ZFP90: variants seen among roughly 807,000 people sequenced by gnomAD.
The protein encoded by ZFP90 is zinc finger protein 90 homolog.
Under a neutral mutation model 60.8 loss-of-function variants are expected in ZFP90, and 38 were observed. That is an observed-to-expected ratio of 0.62 (90% confidence interval 0.48 to 0.82). ZFP90 has a LOEUF of 0.82. ZFP90 is among the 40% of genes least tolerant of loss of function. ZFP90 has a pLI of 0.00. For synonymous variants in ZFP90, 287 were observed against 264.8 expected (o/e 1.08, Z -0.82); for missense variants, 711 against 759.1 (o/e 0.94, Z 0.74).
chr16:68,543,319 T>G (rs821167), intron 2 of ZFP90, among the ~76,000 whole-genome samples: 122,949 of 152,118 alleles, frequency 0.81, 49,924 homozygotes, highest in African/African-American at 0.89. Context: ...AATCCTAGGA[T>G]AAAAAGTTTG....
At chr16:68,555,442 G>T (rs894722476) in intron 2 of ZFP90, among the ~76,000 whole-genome samples, 2 of 152,020 alleles carry the variant, frequency 1.3e-5, no homozygotes, top group African/African-American at 2.4e-5. Flanking sequence ...GTGTGGATGT[G>T]GTCATGCACC....
intron 2 of ZFP90, among the ~76,000 whole-genome samples, chr16:68,554,372 C>A (rs1023624167): frequency 4.6e-5 from 7 of 151,996 alleles, no homozygotes; most frequent in Non-Finnish European, 8.8e-5. Flanking sequence ...GAACTCCTGA[C>A]CTCAGGTGAT....
intron 2 of ZFP90, among the ~76,000 whole-genome samples, chr16:68,543,487 G>A (rs2091089119): frequency 2.0e-5 from 3 of 152,042 alleles, no homozygotes; most frequent in South Asian, 2.1e-4. Context: ...GAATGTTTAC[G>A]TAGATATAGC....
At chr16:68,570,751 A>G (rs1325312481), downstream of ZFP90, among the ~76,000 whole-genome samples, 3 of 152,100 alleles carry the variant, frequency 2.0e-5, no homozygotes, top group Non-Finnish European at 4.4e-5. Context: ...TTTCAACATT[A>G]TTTGATACAT....
At position 68,573,450 on chromosome 16, in the gene ZFP90, C is replaced by T. The variant is rs147793354; in HGVS notation, c.224-2341C>T. 3.8e-3 allele frequency among the ~76,000 whole-genome samples: 581 copies of T among 152,282 alleles called. 4 individuals carry two copies. The highest frequency in any genetic ancestry group is 0.02 in the Middle Eastern group (6 of 294). On this transcript the variant is annotated intron_variant, in intron 2 of 2. Coordinates refer to the ZFP90 transcript ENST00000573113. ...CCATGATTATGCCATTGCACCCCAG[C>T]CTGGGTGACACAGCAAGACCTGTCT...
intron 2 of ZFP90, among the ~76,000 whole-genome samples, chr16:68,557,514 T>A (rs1445356994): frequency 6.6e-6 from 1 of 151,920 alleles, no homozygotes; most frequent in African/African-American, 2.4e-5. Flanking sequence ...CAAGATTCTG[T>A]GTTGGGGTGT....
chr16:68,548,513 G>A (rs1385297867), intron 2 of ZFP90, among the ~76,000 whole-genome samples: 2 of 69,724 alleles, frequency 2.9e-5, no homozygotes, highest in East Asian at 4.7e-4. Context: ...TTATTGAGAC[G>A]GAGTTTCGCT....
chr16:68,564,294 G>A lies in ZFP90; in HGVS notation c.1507G>A (p.Gly503Arg). 1 of 1,614,064 alleles carries A rather than the reference G, an allele frequency of 6.2e-7. No homozygotes were observed. Among genetic ancestry groups the A allele is most frequent in the Non-Finnish European group, 8.5e-7 (1 of 1,180,012 alleles). ...GEKPYQCNVC[G>R]KAFKRSTSFI... ...GAAACCCTATCAATGTAATGTATGT[G>A]GGAAAGCTTTCAAAAGGAGTACAAG... Residue 503 changes from glycine to arginine, a missense_variant, in exon 5 of 5, where the codon GGG (glycine) becomes AGG (arginine). Coordinates refer to ENST00000563169, the MANE Select transcript of ZFP90 (RefSeq NM_001305203.2).
At chr16:68,539,683 C>A in intron 1 of ZFP90, 75 bp from the exon 2 acceptor site, 2 of 846,664 alleles carry the variant, frequency 2.4e-6, no homozygotes, top group Non-Finnish European at 1.5e-6. Flanking sequence ...GGTTTAGGGG[C>A]GGAGGTGGGG....
chr16:68,568,732 G>A (rs149578148), downstream of ZFP90, among the ~76,000 whole-genome samples: 7 of 152,336 alleles, frequency 4.6e-5, no homozygotes, highest in East Asian at 1.3e-3. Context: ...AGGCTGGAGT[G>A]CAGCAGTACG....
chr16:68,568,098 T>G (rs940243725), downstream of ZFP90, among the ~76,000 whole-genome samples: 1 of 152,248 alleles, frequency 6.6e-6, no homozygotes, highest in African/African-American at 2.4e-5. Flanking sequence ...GTCCTCCATG[T>G]TACCACAGTT....
upstream of ZFP90, chr16:68,535,571 G>A (rs1480461537): frequency 6.6e-6 from 1 of 152,012 alleles, no homozygotes; most frequent in Non-Finnish European, 1.5e-5. Context: ...CACAATTATT[G>A]CTAATTGAAA....
intron 4 of ZFP90, among the ~76,000 whole-genome samples, chr16:68,560,154 A>ACG (rs2091415073): frequency 6.6e-6 from 1 of 151,850 alleles, no homozygotes; most frequent in South Asian, 2.1e-4. Context: ...CATGAGATTC[A>ACG]CCCCTTTAGA....
chr16:68,550,195 A>G, intron 2 of ZFP90, among the ~76,000 whole-genome samples: 1 of 152,350 alleles, frequency 6.6e-6, no homozygotes, highest in Middle Eastern at 3.4e-3. Context: ...ATGTTTTAAA[A>G]TTACTAATGA....
intron 2 of ZFP90, among the ~76,000 whole-genome samples, chr16:68,534,105 T>A (rs570485386): frequency 3.9e-5 from 6 of 152,286 alleles, no homozygotes; most frequent in Non-Finnish European, 7.4e-5. Context: ...AACTTTTTTT[T>A]ATCTCTTTGT....
intron 4 of ZFP90, chr16:68,562,564 C>T (rs1021768589): frequency 1.1e-5 from 2 of 174,604 alleles, no homozygotes; most frequent in African/African-American, 4.8e-5. Flanking sequence ...TGCAGTATTT[C>T]AAATAATCTT....
chr16:68,552,916 G>A (rs2091284550), intron 2 of ZFP90, among the ~76,000 whole-genome samples: 1 of 152,052 alleles, frequency 6.6e-6, no homozygotes, highest in Non-Finnish European at 1.5e-5. Context: ...AATAGGTATG[G>A]TGGCACACAC....
intron 2 of ZFP90, among the ~76,000 whole-genome samples, chr16:68,575,407 C>G (rs1374248526): frequency 6.6e-6 from 1 of 152,034 alleles, no homozygotes; most frequent in Admixed American, 6.6e-5. Context: ...AGTAACACAA[C>G]AGCTCTCAGT....
intron 4 of ZFP90, among the ~76,000 whole-genome samples, chr16:68,560,507 G>A (rs2091420928): frequency 6.6e-6 from 1 of 151,394 alleles, no homozygotes; most frequent in South Asian, 2.1e-4. Flanking sequence ...ATCACATTTT[G>A]TTATTCATCA....
Sources: allele counts gnomAD v4.1 joint callset (sites outside exome capture counted in the v4.1 genomes callset), GRCh38; gene constraint gnomAD v4.1.1; transcripts MANE v1.5; gene names NCBI Gene and HGNC (gene_info 2026-07-23, HGNC 2026-07-21).